The following HAGHL variants were observed in gnomAD, a reference collection of about 807,000 sequenced individuals.
HAGHL encodes the protein hydroxyacylglutathione hydrolase-like protein.
HAGHL carries 27 observed loss-of-function variants against 29.2 expected under a neutral mutation model. The observed-to-expected ratio is 0.92, with a 90% confidence interval of 0.68 to 1.27. The LOEUF (loss-of-function observed/expected upper bound fraction) is 1.27. Ranked by LOEUF, HAGHL falls within the 50% of genes most tolerant of loss-of-function variation. The pLI is 0.00. For synonymous variants in HAGHL, 223 were observed against 185.7 expected (o/e 1.20, Z -1.63); for missense variants, 529 against 405.5 (o/e 1.30, Z -2.62).
Position 727,527 on chromosome 16 carries a change from C to A in HAGHL, c.18C>A (p.Ile6=). 6.2e-7 allele frequency: 1 copy of A among 1,610,164 alleles called. No homozygotes were observed. The highest frequency in any genetic ancestry group is 8.5e-7 in the Non-Finnish European group (1 of 1,178,246). MKVKV[I]PVLEDNYMYL... The stretch of plus-strand genomic sequence containing the variant: ...CCGTGACCATGAAGGTCAAGGTCAT[C>A]CCCGTGCTCGAGGACAACTACATGT... The change falls in exon 1 of 8, where the codon ATC becomes ATA. Residue 6 remains isoleucine (I), a synonymous_variant. Transcript: ENST00000389703.
At position 727,974 on chromosome 16, in the gene HAGHL, A is replaced by C; in HGVS notation, c.115A>C (p.Ile39Leu). The change falls in exon 2 of 8, where the codon ATC becomes CTC. Residue 39 changes from isoleucine (I) to leucine (L), a missense_variant. Ile to Leu is a conservative substitution (Grantham distance 5). Coordinates refer to ENST00000389703, the MANE Select transcript of HAGHL (RefSeq NM_032304.4). ...DVAVPKRLLE[I>L]VGREGVSLTA... ...CTCCCGTCCCTTTCAGCTGCTGGAG[A>C]TCGTGGGCCGGGAGGGGGTGTCTCT... The C allele has an allele frequency of 6.2e-7, 1 of 1,607,536 alleles. No individual in the cohort carries two copies. The highest frequency in any genetic ancestry group is 8.5e-7 in the Non-Finnish European group (1 of 1,178,120).
In HAGHL at chr16:727,241, T is replaced by G; in HGVS notation, c.-269T>G. 11 of 363,480 alleles carry G rather than the reference T, an allele frequency of 3.0e-5. No homozygotes were observed. Among genetic ancestry groups the G allele is most frequent in the Non-Finnish European group, 3.5e-5 (7 of 199,458 alleles). 22.5% of individuals were successfully genotyped at this position (363,480 alleles called of 1,614,324 possible). ...GGGGCCTGGGAGGAAGGCGTGGCCTTTGGGGACTGGGGCTCGGACTGGGGG... is the reference window on the plus strand; with the variant it reads ...GGGGCCTGGGAGGAAGGCGTGGCCTGTGGGGACTGGGGCTCGGACTGGGGG... On this transcript the variant is annotated 5_prime_UTR_variant, in exon 1 of 8. Coordinates refer to ENST00000389703, the MANE Select transcript of HAGHL (RefSeq NM_032304.4).
Position 728,861 on chromosome 16 carries a change from A to G in HAGHL, c.566A>G (p.Asn189Ser). ...LEFAQKVEPC[N>S]DHVRAKLSWA... ...TTTGCCCAGAAAGTGGAGCCCTGCA[A>G]CGACCACGTGAGAGCCAAGCTGTCC... Residue 189 changes from asparagine (N) to serine (S), a missense_variant, in exon 6 of 8, where the codon AAC becomes AGC. Transcript: ENST00000389703. 6.7e-7 allele frequency: 1 copy of G among 1,486,354 alleles called. No individual in the cohort carries two copies. Among genetic ancestry groups the G allele is most frequent in the South Asian group, 1.1e-5 (1 of 88,976 alleles). 92.1% of individuals were successfully genotyped at this position (1,486,354 alleles called of 1,614,324 possible).
In HAGHL at chr16:729,347, T is replaced by C. The variant is rs1448806246; in HGVS notation, c.740T>C (p.Leu247Pro). Residue 247 changes from leucine (L) to proline (P), a missense_variant, in exon 8 of 8, where the codon CTA becomes CCA. By Grantham distance (98) the Leu-to-Pro change is moderately conservative. Transcript: ENST00000389703. ...GTCCCCGCCGACGTCCTGGAGGCGC[T>C]ATGCAAGGAGCGGGCGCGCTTCGAA... Reference protein sequence around the residue: ...KAVPADVLEALCKERARFEQA... With the variant: ...KAVPADVLEAPCKERARFEQA... The C allele has an allele frequency of 2.0e-6, 3 of 1,534,018 alleles. No homozygotes were observed. Among genetic ancestry groups the C allele is most frequent in the Admixed American group, 4.3e-5 (2 of 46,948 alleles).
chr16:729,349 T>C lies in HAGHL; in HGVS notation c.742T>C (p.Cys248Arg), dbSNP rs932029984. Residue 248 changes from cysteine (C) to arginine (R), a missense_variant, in exon 8 of 8, where the codon TGC becomes CGC. By Grantham distance (180) the Cys-to-Arg change is radical (BLOSUM62 -3). Coordinates refer to ENST00000389703, the MANE Select transcript of HAGHL (RefSeq NM_032304.4). ...CCCCGCCGACGTCCTGGAGGCGCTA[T>C]GCAAGGAGCGGGCGCGCTTCGAACA... ...AVPADVLEAL[C>R]KERARFEQAG... 6.5e-7 allele frequency: 1 copy of C among 1,534,028 alleles called. No homozygotes were observed. The highest frequency in any genetic ancestry group is 1.4e-5 in the African/African-American group (1 of 72,260).
chr16:729,483 GCCTGCGTC>G lies in HAGHL; in HGVS notation c.*31_*38del. On this transcript the variant is annotated 3_prime_UTR_variant, in exon 8 of 8. Coordinates refer to ENST00000389703, the MANE Select transcript of HAGHL (RefSeq NM_032304.4). ...CCACCCAGACCCTCACAGGGCTGGG[GCCTGCGTC>G]CCTCCTCGTGACCTCGGCCAGCTGG... 1.3e-6 allele frequency: 2 copies of G among 1,538,468 alleles called. No individual in the cohort carries two copies. The highest frequency in any genetic ancestry group is 2.4e-5 in the South Asian group (2 of 83,988).
rs2041181264 is a variant in HAGHL, at chr16:728,513, T to G, written c.407T>G (p.Leu136Arg). The change falls in exon 5 of 8, where the codon CTG becomes CGG. Residue 136 changes from leucine (L) to arginine (R), a missense_variant. Physicochemically the swap from Leu to Arg is moderately radical, Grantham distance 102. Transcript: ENST00000389703. Reference protein sequence around the residue: ...DPPALFSGDALSVAGCGSCLE... With the variant: ...DPPALFSGDARSVAGCGSCLE... ...CGCCCTCCCCCGCCAGGCGACGCGC[T>G]GTCGGTGGCCGGCTGCGGCTCGTGC... 2 of 1,528,890 alleles carry G rather than the reference T, an allele frequency of 1.3e-6. No individual in the cohort carries two copies. Among genetic ancestry groups the G allele is most frequent in the South Asian group, 1.2e-5 (1 of 83,540 alleles). The allele number at this position is 1,528,890 out of a possible 1,614,324, so 94.7% of individuals were successfully genotyped here.
In HAGHL at chr16:729,504, C is replaced by T. The variant is rs1330792974; in HGVS notation, c.*48C>T. On this transcript the variant is annotated 3_prime_UTR_variant, in exon 8 of 8. Transcript: ENST00000389703. Reference sequence around the variant, plus strand: ...TGGGGCCTGCGTCCCTCCTCGTGACCTCGGCCAGCTGGACCCACATGAGGG... The same window carrying T: ...TGGGGCCTGCGTCCCTCCTCGTGACTTCGGCCAGCTGGACCCACATGAGGG... The T allele has an allele frequency of 1.3e-6, 2 of 1,536,224 alleles. No homozygotes were observed. The highest frequency in any genetic ancestry group is 1.7e-6 in the Non-Finnish European group (2 of 1,146,256).
Position 728,185 on chromosome 16 carries a change from G to A in HAGHL, c.240G>A (p.Glu80=). The change falls in exon 3 of 8, where the codon GAG becomes GAA. Residue 80 remains glutamate, a synonymous_variant. Transcript: ENST00000389703. ...GGCTGGCGGTGCTGGGCGCGGACGA[G>A]CGCATCTTCTCGCTGACGCGCAGGC... ...RPGLAVLGAD[E]RIFSLTRRLA... 3 of 1,457,172 alleles carry A rather than the reference G, an allele frequency of 2.1e-6. No individual in the cohort carries two copies. Among genetic ancestry groups the A allele is most frequent in the South Asian group, 1.4e-5 (1 of 71,712 alleles). The allele number at this position is 1,457,172 out of a possible 1,614,324, so 90.3% of individuals were successfully genotyped here. A position where few individuals can be genotyped will look rare whatever the true frequency, so the allele number is the denominator to read the frequency against.
chr16:727,536 C>T lies in HAGHL; in HGVS notation c.27C>T (p.Leu9=), dbSNP rs766786378. 3.7e-6 allele frequency: 6 copies of T among 1,611,154 alleles called. No individual in the cohort carries two copies. The highest frequency in any genetic ancestry group is 2.2e-5 in the East Asian group (1 of 44,808). ...TGAAGGTCAAGGTCATCCCCGTGCT[C>T]GAGGACAACTACATGTACCTGGTCA... is the stretch of plus-strand genomic sequence containing the variant. MKVKVIPV[L]EDNYMYLVIE... Residue 9 remains leucine (L), a synonymous_variant, in exon 1 of 8, where the codon CTC becomes CTT. Coordinates refer to ENST00000389703, the MANE Select transcript of HAGHL (RefSeq NM_032304.4).
Position 728,818 on chromosome 16 carries a change from A to G in HAGHL, c.523A>G (p.Thr175Ala). The G allele has an allele frequency of 6.2e-7, 1 of 1,611,474 alleles. No individual in the cohort carries two copies. The highest frequency in any genetic ancestry group is 1.6e-4 in the Middle Eastern group (1 of 6,062). ...ETKVFCGHEH[T>A]LSNLEFAQKV... ...GAAGGTGTTCTGCGGCCACGAGCAC[A>G]CGCTTAGCAACCTGGAGTTTGCCCA... Residue 175 changes from threonine (T) to alanine (A), a missense_variant, in exon 6 of 8, where the codon ACG becomes GCG. Physicochemically the swap from Thr to Ala is moderately conservative, Grantham distance 58. Coordinates refer to ENST00000389703, the MANE Select transcript of HAGHL (RefSeq NM_032304.4).
At position 728,177 on chromosome 16, in the gene HAGHL, G is replaced by T. The variant is rs1017986791; in HGVS notation, c.232G>T (p.Ala78Ser). ...TCGTCCCGGGCTGGCGGTGCTGGGC[G>T]CGGACGAGCGCATCTTCTCGCTGAC... Reference protein sequence around the residue: ...RLRPGLAVLGADERIFSLTRR... With the variant: ...RLRPGLAVLGSDERIFSLTRR... Residue 78 changes from alanine to serine, a missense_variant, in exon 3 of 8, where the codon GCG becomes TCG. Transcript: ENST00000389703. The T allele has an allele frequency of 1.4e-6, 2 of 1,458,916 alleles. No individual in the cohort carries two copies. The highest frequency in any genetic ancestry group is 1.4e-5 in the South Asian group (1 of 72,044). The allele number at this position is 1,458,916 out of a possible 1,614,324, so 90.4% of individuals were successfully genotyped here.
At chr16:728,679 G>T (rs1596661310) in intron 5 of HAGHL, 75 bp downstream of exon 5, 1 of 1,284,712 alleles carries the variant, frequency 7.8e-7, no homozygotes, top group Non-Finnish European at 1.1e-6. Context: ...TGTGCTAGGG[G>T]TGCAGAGTGA....
chr16:729,404 G>C lies in HAGHL; in HGVS notation c.797G>C (p.Arg266Pro). Reference sequence around the variant, plus strand: ...GGCGAGCCGCGGCAGCCACAGGCGCGGGCCCTCCTTGCGCTGCAGTGGGGG... The same window carrying C: ...GGCGAGCCGCGGCAGCCACAGGCGCCGGCCCTCCTTGCGCTGCAGTGGGGG... Reference protein sequence around the residue: ...QAGEPRQPQARALLALQWGLL... With the variant: ...QAGEPRQPQAPALLALQWGLL... Residue 266 changes from arginine to proline, a missense_variant, in exon 8 of 8, where the codon CGG (arginine) becomes CCG (proline). Transcript: ENST00000389703. The C allele has an allele frequency of 2.0e-6, 3 of 1,530,106 alleles. No individual in the cohort carries two copies. The highest frequency in any genetic ancestry group is 2.6e-6 in the Non-Finnish European group (3 of 1,141,908). The allele number at this position is 1,530,106 out of a possible 1,614,324, so 94.8% of individuals were successfully genotyped here.
rs1310690568 is a variant in HAGHL, at chr16:729,355, G to A, written c.748G>A (p.Glu250Lys). 1 of 1,533,744 alleles carries A rather than the reference G, an allele frequency of 6.5e-7. No homozygotes were observed. The highest frequency in any genetic ancestry group is 8.8e-7 in the Non-Finnish European group (1 of 1,141,742). Residue 250 changes from glutamate to lysine, a missense_variant, in exon 8 of 8, where the codon GAG becomes AAG. Physicochemically the swap from Glu to Lys is moderately conservative, Grantham distance 56. Transcript: ENST00000389703. ...PADVLEALCKERARFEQAGEP... is the reference protein window; with the variant it reads ...PADVLEALCKKRARFEQAGEP... ...CGACGTCCTGGAGGCGCTATGCAAG[G>A]AGCGGGCGCGCTTCGAACAGGCGGG...
rs368040005 is a variant in HAGHL at position 728,954 on chromosome 16, T to TGGG, written c.601-49_601-47dup. On this transcript the variant is annotated intron_variant, in intron 6 of 7. Coordinates refer to ENST00000389703, the MANE Select transcript of HAGHL (RefSeq NM_032304.4). Reference sequence around the variant, plus strand: ...GGGGGGGAGGGAACAGGCTTCGGGGTGGGGGGGGCTCTCAGACAAGGCCTA... The same window carrying TGGG: ...GGGGGGGAGGGAACAGGCTTCGGGGTGGGGGGGGGGGCTCTCAGACAAGGCCTA... 46 of 364,414 alleles carry TGGG rather than the reference T, an allele frequency of 1.3e-4. No homozygotes were observed. The African/African-American group carries it at 1.3e-3, about 10-fold the overall frequency. The allele number at this position is 364,414 out of a possible 1,614,324, so 22.6% of individuals were successfully genotyped here.
chr16:727,436 G>A lies in HAGHL; in HGVS notation c.-74G>A, dbSNP rs1201605374. 1.2e-6 allele frequency: 1 copy of A among 854,738 alleles called. No individual in the cohort carries two copies. Among genetic ancestry groups the A allele is most frequent in the Non-Finnish European group, 1.9e-6 (1 of 520,660 alleles). 52.9% of individuals were successfully genotyped at this position (854,738 alleles called of 1,614,324 possible). A position where few individuals can be genotyped will look rare whatever the true frequency, so the allele number is the denominator to read the frequency against. ...GCCCTTCCTAGGGTGTGGAGAGCGG[G>A]CCCCGCCCTGAAGGGGCACCGTGGG... is the stretch of plus-strand genomic sequence containing the variant. On this transcript the variant is annotated 5_prime_UTR_variant, in exon 1 of 8. Transcript: ENST00000389703.
rs1567335534 is a variant in HAGHL, at chr16:728,027, CTG to C, written c.169_170del (p.Trp57GlyfsTer120). On this transcript the variant is annotated frameshift_variant and splice_region_variant, in exon 2 of 8. Coordinates refer to ENST00000389703, the MANE Select transcript of HAGHL (RefSeq NM_032304.4). LOFTEE classifies it high-confidence loss of function. ...LTAVLTTHHHWDHARGNPELA... is the reference protein window; with the variant it reads ...LTAVLTTHHHXDHARGNPELA... ...CCGCTGTGCTGACCACCCACCATCA[CTG>C]GTGAGCGCCGGCGGGGCGCGGGGAG... 44 of 1,587,936 alleles carry C rather than the reference CTG, an allele frequency of 2.8e-5. No homozygotes were observed. Among genetic ancestry groups the C allele is most frequent in the Non-Finnish European group, 3.6e-5 (42 of 1,170,666 alleles).
rs202049452 is a variant in HAGHL at position 728,777 on chromosome 16, G to A, written c.499-17G>A. ...CTTCCTGGCCGCGTGCGCGCTCACCGAGCGCTCTTCCTCCAGAAGGTGTTC... is the reference window on the plus strand; with the variant it reads ...CTTCCTGGCCGCGTGCGCGCTCACCAAGCGCTCTTCCTCCAGAAGGTGTTC... On this transcript the variant is annotated splice_polypyrimidine_tract_variant and intron_variant, in intron 5 of 7. Transcript: ENST00000389703. 12 of 1,610,146 alleles carry A rather than the reference G, an allele frequency of 7.5e-6. No individual in the cohort carries two copies. In the Admixed American group the frequency reaches 1.5e-4, roughly 20 times the overall value.
Sources: gnomAD v4.1 joint callset for allele counts on GRCh38, gnomAD v4.1.1 for gene constraint, MANE v1.5 for transcripts, NCBI Gene and HGNC (gene_info 2026-07-23, HGNC 2026-07-21) for gene names.